PRR33: variants seen among roughly 807,000 people sequenced by gnomAD.
PRR33 encodes proline rich 33.
In PRR33, 1 loss-of-function variant was observed where a neutral mutation model predicts 0.5. The ratio of observed to expected loss-of-function variants is 2.18; its 90% CI spans 0.77 to 10.34. PRR33 has a LOEUF of 10.34. Among genes scored for constraint, PRR33 ranks in the 30% most tolerant of loss-of-function variants. The pLI is 0.13. For missense variants in PRR33, 552 were observed against 251.8 expected, an observed-to-expected ratio of 2.19 and a Z score of -8.07; for synonymous variants, 226 against 110.0, an observed-to-expected ratio of 2.06 and a Z score of -6.60.
chr11:1,896,354 G>A (rs1460898395), upstream of PRR33, among the ~76,000 whole-genome samples: 1 of 152,060 alleles, frequency 6.6e-6, no homozygotes, highest in Non-Finnish European at 1.5e-5. Flanking sequence ...TCAATTTGGA[G>A]GTCTTTCACA....
the PRR33 span, among the ~76,000 whole-genome samples, chr11:1,896,943 C>T: frequency 1.3e-5 from 2 of 152,218 alleles, no homozygotes; most frequent in African/African-American, 2.4e-5. Flanking sequence ...AAGAACCACT[C>T]GCTAATGGGG....
chr11:1,898,212 G>T, the PRR33 span, among the ~76,000 whole-genome samples: 1 of 151,888 alleles, frequency 6.6e-6, no homozygotes, highest in East Asian at 1.9e-4. Context: ...AGTAGAATCT[G>T]TTCCAGAGCC....
chr11:1,890,318 G>A (rs1300013545), exon 1 of PRR33: 29 of 711,728 alleles, frequency 4.1e-5, no homozygotes, highest in East Asian at 1.1e-4. Flanking sequence ...GGGCTTCGGC[G>A]GGGTGCGGGC....
chr11:1,888,886 C>G (rs1307372977), exon 1 of PRR33: 1 of 412,746 alleles, frequency 2.4e-6, no homozygotes, highest in Non-Finnish European at 4.3e-6. Context: ...CATCCCGACG[C>G]AGACCCCTTC....
At chr11:1,913,311 T>TG in the PRR33 span, among the ~76,000 whole-genome samples, 9 of 44,138 alleles carry the variant, frequency 2.0e-4, no homozygotes, top group African/African-American at 3.8e-4. Context: ...GTTTTTTTTT[T>TG]TTTGTTTTTT....
the PRR33 span, among the ~76,000 whole-genome samples, chr11:1,911,760 A>G: frequency 6.6e-6 from 1 of 151,918 alleles, no homozygotes; most frequent in African/African-American, 2.4e-5. Flanking sequence ...TCTATCTATG[A>G]GTGGTGTTAT....
chr11:1,905,278 C>T, the PRR33 span, among the ~76,000 whole-genome samples: 1 of 151,296 alleles, frequency 6.6e-6, no homozygotes, highest in African/African-American at 2.4e-5. Flanking sequence ...CAGGCACACG[C>T]CACCACACCT....
At chr11:1,913,156 A>T in the PRR33 span, among the ~76,000 whole-genome samples, 1 of 151,466 alleles carries the variant, frequency 6.6e-6, no homozygotes, top group Non-Finnish European at 1.5e-5. Flanking sequence ...TTTGAGATGG[A>T]GTCTCGCTCT....
At chr11:1,889,206 A>C in exon 1 of PRR33, 1 of 674,934 alleles carries the variant, frequency 1.5e-6, no homozygotes, top group Non-Finnish European at 2.7e-6. Flanking sequence ...GCTCAGCTCC[A>C]GGATGGAGCG....
the PRR33 span, among the ~76,000 whole-genome samples, chr11:1,914,077 T>C: frequency 6.6e-6 from 1 of 152,238 alleles, no homozygotes; most frequent in Non-Finnish European, 1.5e-5. Flanking sequence ...CACCCGGGCG[T>C]ACCCCGGTTC....
At chr11:1,895,269 A>G (rs1431112492), upstream of PRR33, among the ~76,000 whole-genome samples, 2 of 152,108 alleles carry the variant, frequency 1.3e-5, no homozygotes, top group East Asian at 3.9e-4. Flanking sequence ...GGTAGCTGGA[A>G]CTACAGGCAT....
chr11:1,888,743 C>A, exon 1 of PRR33: 1 of 172,096 alleles, frequency 5.8e-6, no homozygotes. Flanking sequence ...GGCCCCAAAC[C>A]TTTGACAGCA....
At chr11:1,912,424 C>T in the PRR33 span, among the ~76,000 whole-genome samples, 1 of 152,090 alleles carries the variant, frequency 6.6e-6, no homozygotes, top group Admixed American at 6.6e-5. Flanking sequence ...CTGTTTTGCT[C>T]AGTTTTTAAA....
the PRR33 span, among the ~76,000 whole-genome samples, chr11:1,899,549 A>T: frequency 6.6e-6 from 1 of 152,178 alleles, no homozygotes; most frequent in Non-Finnish European, 1.5e-5. Flanking sequence ...ATGAGGTTCT[A>T]TATAGGACTT....
At chr11:1,902,211 G>C in the PRR33 span, among the ~76,000 whole-genome samples, 3 of 147,140 alleles carry the variant, frequency 2.0e-5, no homozygotes, top group Non-Finnish European at 1.5e-5. Flanking sequence ...CAGCCTGGGC[G>C]ACAGAGTGAG....
chr11:1,899,973 A>G, the PRR33 span, among the ~76,000 whole-genome samples: 1 of 152,034 alleles, frequency 6.6e-6, no homozygotes, highest in Non-Finnish European at 1.5e-5. Flanking sequence ...GGTTTGGCAG[A>G]CCAAACATTG....
the PRR33 span, among the ~76,000 whole-genome samples, chr11:1,902,254 A>G: frequency 6.6e-6 from 1 of 151,710 alleles, no homozygotes; most frequent in Non-Finnish European, 1.5e-5. Context: ...AAAACACACA[A>G]TTACTTTCAC....
upstream of PRR33, among the ~76,000 whole-genome samples, chr11:1,895,856 G>T (rs910468921): frequency 9.2e-5 from 14 of 152,154 alleles, no homozygotes; most frequent in Non-Finnish European, 1.5e-4. Context: ...TTTGTCAAAA[G>T]TCTGAACTGT....
the PRR33 span, among the ~76,000 whole-genome samples, chr11:1,900,695 A>G: frequency 6.6e-6 from 1 of 152,254 alleles, no homozygotes; most frequent in Non-Finnish European, 1.5e-5. Flanking sequence ...AACTGTAATT[A>G]AGAGTGACAG....
Sources: gnomAD v4.1 joint callset for allele counts (sites outside exome capture counted in the v4.1 genomes callset) on GRCh38, gnomAD v4.1.1 for gene constraint, MANE v1.5 for transcripts, NCBI Gene and HGNC (gene_info 2026-07-23, HGNC 2026-07-21) for gene names.